Variants in ZFHX3 observed in about 807,000 individuals in gnomAD.
ZFHX3 encodes the protein zinc finger homeobox 3.
A neutral mutation model predicts 279.1 loss-of-function variants in ZFHX3; 42 were observed. The observed-to-expected ratio is 0.15, with a 90% CI of 0.12 to 0.19. ZFHX3 has a LOEUF of 0.19. Ranked by LOEUF, ZFHX3 falls within the 10% of genes least tolerant of loss-of-function variation. The pLI is 1.00. For synonymous variants in ZFHX3, 2,293 were observed against 1,957.8 expected (o/e 1.17, Z -4.52); for missense variants, 4,981 against 4,754.0 (o/e 1.05, Z -1.40).
At chr16:72,934,352 C>T (rs757022445) in intron 3 of ZFHX3, among the ~76,000 whole-genome samples, 11 of 152,216 alleles carry the variant, frequency 7.2e-5, no homozygotes, top group Non-Finnish European at 1.3e-4. Flanking sequence ...CACTTGAACC[C>T]GGGAGGCGAA....
chr16:73,590,163 C>T (rs2051979427), intron 2 of ZFHX3, among the ~76,000 whole-genome samples: 1 of 152,048 alleles, frequency 6.6e-6, no homozygotes, highest in African/African-American at 2.4e-5. Context: ...AACCTGCAGC[C>T]CTGAGTCTGA....
chr16:73,511,287 A>G (rs958282279), intron 2 of ZFHX3, among the ~76,000 whole-genome samples: 3 of 152,102 alleles, frequency 2.0e-5, no homozygotes, highest in Non-Finnish European at 4.4e-5. Flanking sequence ...CCTCTGTTCT[A>G]TGTCTCTTTC....
At chr16:73,430,530 C>T (rs28649610) in intron 3 of ZFHX3, among the ~76,000 whole-genome samples, 2,058 of 152,204 alleles carry the variant, frequency 0.014, 44 homozygotes, top group African/African-American at 0.047. Flanking sequence ...GGCGCTTCTG[C>T]GGGCAGAAGA....
chr16:73,664,350 C>T (rs189059579), intron 2 of ZFHX3, among the ~76,000 whole-genome samples: 158 of 152,226 alleles, frequency 1.0e-3, no homozygotes, highest in Middle Eastern at 3.4e-3. Flanking sequence ...ACAATTGCAT[C>T]AATATCTAAT....
At position 72,892,150 on chromosome 16, in the gene ZFHX3, T is replaced by C. The variant is rs149464897; in HGVS notation, c.3217-2188A>G. 3.3e-5 allele frequency among the ~76,000 whole-genome samples: 5 copies of C among 152,338 alleles called. No homozygotes were observed. In the East Asian group the frequency reaches 7.7e-4, roughly 24 times the overall value. ...AAAAATCCAGAAGCATGTTTGTACT[T>C]TGCTGGAAGAAGAAACATAAATGCA... On this transcript the variant is annotated intron_variant, in intron 3 of 9. Transcript: ENST00000268489.
At chr16:73,862,849 A>G (rs1961918568) in intron 1 of ZFHX3, among the ~76,000 whole-genome samples, 1 of 152,158 alleles carries the variant, frequency 6.6e-6, no homozygotes, top group South Asian at 2.1e-4. Flanking sequence ...CGTGATACCT[A>G]CACATCATAC....
At chr16:73,750,827 T>C (rs2053756036) in intron 1 of ZFHX3, among the ~76,000 whole-genome samples, 1 of 151,896 alleles carries the variant, frequency 6.6e-6, no homozygotes, top group African/African-American at 2.4e-5. Context: ...TGATGGGAAT[T>C]TAGAAAAGAA....
chr16:73,597,512 G>A (rs1049577561), intron 2 of ZFHX3, among the ~76,000 whole-genome samples: 4 of 152,188 alleles, frequency 2.6e-5, no homozygotes, highest in Admixed American at 2.6e-4. Context: ...GACGTAATTA[G>A]TTAAGATGAG....
At chr16:73,114,988 C>T (rs1966414923) in intron 7 of ZFHX3, among the ~76,000 whole-genome samples, 3 of 151,964 alleles carry the variant, frequency 2.0e-5, no homozygotes, top group African/African-American at 7.3e-5. Flanking sequence ...GGCCCCAGGC[C>T]CTTCTATAGC....
intron 1 of ZFHX3, among the ~76,000 whole-genome samples, chr16:73,016,195 A>G (rs1964097675): frequency 6.6e-6 from 1 of 151,796 alleles, no homozygotes; most frequent in African/African-American, 2.4e-5. Flanking sequence ...TAATTCTCCC[A>G]CTCCTGCATG....
At chr16:73,861,332 T>C (rs937067014) in intron 1 of ZFHX3, among the ~76,000 whole-genome samples, 1 of 152,072 alleles carries the variant, frequency 6.6e-6, no homozygotes, top group African/African-American at 2.4e-5. Context: ...ACCATTGAGA[T>C]TCTAGGTGAT....
At chr16:73,050,985 C>G (rs1294652596), upstream of ZFHX3, among the ~76,000 whole-genome samples, 1 of 152,162 alleles carries the variant, frequency 6.6e-6, no homozygotes, top group Non-Finnish European at 1.5e-5. Flanking sequence ...TTCTACCGAG[C>G]CAAACCTGCT....
chr16:73,621,933 C>T (rs987302573), intron 2 of ZFHX3, among the ~76,000 whole-genome samples: 1 of 152,200 alleles, frequency 6.6e-6, no homozygotes, highest in Non-Finnish European at 1.5e-5. Flanking sequence ...TCAGTAAATT[C>T]TAATGGAGGA....
chr16:73,325,549 T>C (rs908816171), intron 3 of ZFHX3, among the ~76,000 whole-genome samples: 1 of 152,128 alleles, frequency 6.6e-6, no homozygotes, highest in African/African-American at 2.4e-5. Context: ...GGCCATGCCT[T>C]GCTTCAAGGT....
At chr16:73,463,839 C>T (rs2018514736) in intron 2 of ZFHX3, among the ~76,000 whole-genome samples, 1 of 152,232 alleles carries the variant, frequency 6.6e-6, no homozygotes, top group Admixed American at 6.5e-5. Flanking sequence ...GCAGCAGACA[C>T]ACACCTGCTG....
Position 73,085,974 on chromosome 16 carries a change from C to T in ZFHX3, c.-533+7261G>A, listed in dbSNP as rs1389809555. Among the ~76,000 whole-genome samples the T allele has an allele frequency of 9.1e-5, 6 of 66,000 alleles. No individual in the cohort carries two copies. The East Asian group carries it at 2.9e-3, about 32-fold the overall frequency. The allele number at this position is 66,000 out of a possible 152,430, so 43.3% of individuals were successfully genotyped here. ...AACCAGAATATATAAGGAACTCAAACAACTCAATTGCAAAAAAAAAAAAAA... is the reference window on the plus strand; with the variant it reads ...AACCAGAATATATAAGGAACTCAAATAACTCAATTGCAAAAAAAAAAAAAA... On this transcript the variant is annotated intron_variant, in intron 8 of 17. Transcript: ENST00000641206.
intron 8 of ZFHX3, among the ~76,000 whole-genome samples, chr16:73,077,860 A>T (rs1462278013): frequency 6.6e-6 from 1 of 152,172 alleles, no homozygotes; most frequent in African/African-American, 2.4e-5. Context: ...GCTGAAGTGC[A>T]ATGACGTGAT....
chr16:73,245,119 A>G (rs1426362927), intron 5 of ZFHX3, among the ~76,000 whole-genome samples: 1 of 152,070 alleles, frequency 6.6e-6, no homozygotes, highest in Non-Finnish European at 1.5e-5. Context: ...CTAATTTAGA[A>G]CCTTGCGCTT....
chr16:73,096,185 G>A (rs1243936576), intron 7 of ZFHX3, among the ~76,000 whole-genome samples: 1 of 151,836 alleles, frequency 6.6e-6, no homozygotes, highest in African/African-American at 2.4e-5. Context: ...TGCCTGCTCC[G>A]GCTGCCTGCC....
Sources: gnomAD v4.1 joint callset for allele counts (sites outside exome capture counted in the v4.1 genomes callset) on GRCh38, gnomAD v4.1.1 for gene constraint, MANE v1.5 for transcripts, NCBI Gene and HGNC (gene_info 2026-07-23, HGNC 2026-07-21) for gene names.